Variants in IGSF11 observed in about 807,000 individuals in gnomAD.
IGSF11 encodes CXADR like 1.
Under a neutral mutation model 41.0 loss-of-function variants are expected in IGSF11, and 22 were observed. The ratio of observed to expected loss-of-function variants is 0.54; its 90% confidence interval spans 0.38 to 0.77. The LOEUF is 0.77. IGSF11 is among the 30% of genes least tolerant of loss of function. IGSF11 has a pLI of 0.00. For missense variants in IGSF11, 444 were observed against 530.8 expected, an observed-to-expected ratio of 0.84 and a Z score of 1.61; for synonymous variants, 219 against 201.3, an observed-to-expected ratio of 1.09 and a Z score of -0.74.
intron 1 of IGSF11, among the ~76,000 whole-genome samples, chr3:118,980,510 C>T (rs966312639): frequency 2.0e-5 from 3 of 152,086 alleles, no homozygotes; most frequent in African/African-American, 7.2e-5. Context: ...ATACCAGAGA[C>T]TGGGACGGAT....
At chr3:118,911,535 G>C (rs938885195) in intron 4 of IGSF11, among the ~76,000 whole-genome samples, 6 of 152,118 alleles carry the variant, frequency 3.9e-5, no homozygotes, top group Non-Finnish European at 7.3e-5. Flanking sequence ...AGGACACTAA[G>C]GCAGGAAGAT....
rs948780169 is a variant in IGSF11 at position 119,132,891 on chromosome 3, T to A, written c.-14+12922A>T. 3.3e-5 allele frequency among the ~76,000 whole-genome samples: 5 copies of A among 152,186 alleles called. 1 individual carries two copies. Among genetic ancestry groups the A allele is most frequent in the East Asian group, 3.9e-4 (2 of 5,184 alleles). ...CTCTCAGACCACAGCACAATCAAATTAAAACTTAATACTAAGAAACTCACT... is the reference window on the plus strand; with the variant it reads ...CTCTCAGACCACAGCACAATCAAATAAAAACTTAATACTAAGAAACTCACT... On this transcript the variant is annotated intron_variant, in intron 1 of 7. Transcript: ENST00000425327.
chr3:118,972,437 A>G (rs574812195), intron 1 of IGSF11, among the ~76,000 whole-genome samples: 34 of 152,262 alleles, frequency 2.2e-4, no homozygotes, highest in Non-Finnish European at 3.7e-4. Context: ...CTTCATGTCT[A>G]TTGTCTTCTC....
chr3:119,056,332 T>C (rs1348084383), intron 1 of IGSF11, among the ~76,000 whole-genome samples: 1 of 152,140 alleles, frequency 6.6e-6, no homozygotes, highest in East Asian at 1.9e-4. Flanking sequence ...CATCAGAGAA[T>C]ACTATAAACA....
At chr3:119,114,327 T>A (rs550224190) in intron 1 of IGSF11, among the ~76,000 whole-genome samples, 1 of 152,244 alleles carries the variant, frequency 6.6e-6, no homozygotes, top group Non-Finnish European at 1.5e-5. Context: ...CTTTTAAATA[T>A]AAGTTCTAAT....
intron 4 of IGSF11, among the ~76,000 whole-genome samples, chr3:118,920,068 C>T (rs1203325793): frequency 7.5e-6 from 1 of 133,284 alleles, no homozygotes; most frequent in Admixed American, 8.0e-5. Context: ...AATGAGATCA[C>T]CTGGACACAT....
chr3:118,922,874 C>G (rs1218075651), intron 4 of IGSF11, among the ~76,000 whole-genome samples: 1 of 152,114 alleles, frequency 6.6e-6, no homozygotes, highest in Non-Finnish European at 1.5e-5. Flanking sequence ...GGGACCAACT[C>G]AGTTCTTCCC....
At chr3:119,090,802 T>C (rs2076750130) in intron 1 of IGSF11, among the ~76,000 whole-genome samples, 1 of 152,170 alleles carries the variant, frequency 6.6e-6, no homozygotes, top group South Asian at 2.1e-4. Context: ...ACCTAGAAAA[T>C]AGATTCTTGA....
intron 1 of IGSF11, among the ~76,000 whole-genome samples, chr3:119,033,498 T>G (rs577654992): frequency 2.6e-5 from 4 of 152,196 alleles, no homozygotes; most frequent in Non-Finnish European, 5.9e-5. Flanking sequence ...GGAGAAGACA[T>G]ACAAAAAGTT....
intron 1 of IGSF11, among the ~76,000 whole-genome samples, chr3:118,966,822 C>G (rs527615358): frequency 6.6e-6 from 1 of 152,196 alleles, no homozygotes; most frequent in South Asian, 2.1e-4. Flanking sequence ...ACTGAATGTC[C>G]ACGTAGCTTA....
chr3:118,975,232 AAT>A (rs766864335), intron 1 of IGSF11, among the ~76,000 whole-genome samples: 3 of 152,186 alleles, frequency 2.0e-5, no homozygotes, highest in South Asian at 2.1e-4. Context: ...CACAAAGCCA[AAT>A]ATATGTTTTT....
chr3:119,106,956 A>G (rs565928999), upstream of IGSF11, among the ~76,000 whole-genome samples: 2 of 152,292 alleles, frequency 1.3e-5, no homozygotes, highest in South Asian at 4.2e-4. Context: ...TATGGTGTAT[A>G]TGGTTCACAT....
chr3:118,994,416 G>A (rs544771562), intron 1 of IGSF11, among the ~76,000 whole-genome samples: 1 of 152,168 alleles, frequency 6.6e-6, no homozygotes, highest in African/African-American at 2.4e-5. Context: ...TAGCACTTTG[G>A]GTGGCTGAGG....
chr3:118,912,892 G>A (rs1302214122), intron 4 of IGSF11, among the ~76,000 whole-genome samples: 2 of 152,056 alleles, frequency 1.3e-5, no homozygotes, highest in Admixed American at 6.6e-5. Context: ...CCAGCTACTC[G>A]GGAGGCTGAG....
chr3:119,109,831 C>T (rs2077113246), upstream of IGSF11, among the ~76,000 whole-genome samples: 1 of 152,148 alleles, frequency 6.6e-6, no homozygotes, highest in Admixed American at 6.5e-5. Context: ...TTATTTCTGC[C>T]TTCCCTTCGT....
intron 1 of IGSF11, among the ~76,000 whole-genome samples, chr3:119,142,795 T>C (rs2077666951): frequency 6.6e-6 from 1 of 152,016 alleles, no homozygotes; most frequent in Non-Finnish European, 1.5e-5. Context: ...CACTGATACA[T>C]GACAATAAAA....
intron 1 of IGSF11, among the ~76,000 whole-genome samples, chr3:119,047,397 A>T (rs1479000877): frequency 2.6e-5 from 4 of 152,196 alleles, no homozygotes; most frequent in African/African-American, 9.7e-5. Flanking sequence ...AAAGGGACAA[A>T]GAAGGCCATT....
chr3:118,928,498 G>T lies in IGSF11; in HGVS notation c.424+11C>A. Reference sequence around the variant, plus strand: ...AAAGCCCGAACAGCCAAGGACTCTTGTGTCACTCACCTAACACTGTGAGAC... The same window carrying T: ...AAAGCCCGAACAGCCAAGGACTCTTTTGTCACTCACCTAACACTGTGAGAC... On this transcript the variant is annotated intron_variant, in intron 3 of 6. Coordinates refer to ENST00000393775, the MANE Select transcript of IGSF11 (RefSeq NM_001015887.3). 1 of 1,609,096 alleles carries T rather than the reference G, an allele frequency of 6.2e-7. No individual in the cohort carries two copies. The highest frequency in any genetic ancestry group is 8.5e-7 in the Non-Finnish European group (1 of 1,176,978).
At chr3:119,123,772 C>T (rs2077364390) in intron 1 of IGSF11, among the ~76,000 whole-genome samples, 1 of 152,210 alleles carries the variant, frequency 6.6e-6, no homozygotes, top group Non-Finnish European at 1.5e-5. Flanking sequence ...GGTAGCACCT[C>T]GATGACTCTA....
Sources: allele counts gnomAD v4.1 joint callset (sites outside exome capture counted in the v4.1 genomes callset), GRCh38; gene constraint gnomAD v4.1.1; transcripts MANE v1.5; gene names NCBI Gene and HGNC (gene_info 2026-07-23, HGNC 2026-07-21).